CDH13: variants seen among roughly 807,000 people sequenced by gnomAD.
CDH13 encodes the protein cadherin-13.
Under a neutral mutation model 63.8 loss-of-function variants are expected in CDH13, and 24 were observed. That is an observed-to-expected ratio of 0.38 (90% confidence interval 0.27 to 0.53). The LOEUF (loss-of-function observed/expected upper bound fraction) is 0.53. CDH13 is among the 20% of genes least tolerant of loss of function. The probability of loss-of-function intolerance (pLI) is 0.85; values close to 1 mark genes in which losing one functional copy is unlikely to be tolerated. For missense variants in CDH13, 1,049 were observed against 903.1 expected, an observed-to-expected ratio of 1.16 and a Z score of -2.07; for synonymous variants, 503 against 355.3, an observed-to-expected ratio of 1.42 and a Z score of -4.67.
At chr16:83,664,414 G>T (rs1338366819) in intron 8 of CDH13, among the ~76,000 whole-genome samples, 1 of 151,924 alleles carries the variant, frequency 6.6e-6, no homozygotes, top group Non-Finnish European at 1.5e-5. Flanking sequence ...GAGACATCGG[G>T]CTTTCTTAAA....
rs552901786 is a variant in CDH13, at chr16:83,655,549, A to G, written c.1102-15241A>G. ...AGCTTGAGCAACTGTTTACAAACCC[A>G]TGGCAGAGCCCATGTGAATGAGGGA... On this transcript the variant is annotated intron_variant, in intron 8 of 13. Coordinates refer to ENST00000567109, the MANE Select transcript of CDH13 (RefSeq NM_001257.5). Among the ~76,000 whole-genome samples the G allele has an allele frequency of 3.3e-5, 5 of 152,300 alleles. No individual in the cohort carries two copies. The South Asian group carries it at 8.3e-4, about 25-fold the overall frequency.
intron 7 of CDH13, among the ~76,000 whole-genome samples, chr16:83,585,400 A>G (rs1432536828): frequency 6.6e-6 from 1 of 152,118 alleles, no homozygotes; most frequent in Non-Finnish European, 1.5e-5. Context: ...TACTCTGTTC[A>G]GTGGGTGTGG....
rs144086768 is a variant in CDH13 at position 83,634,669 on chromosome 16, G to T, written c.1101+32075G>T. Among the ~76,000 whole-genome samples the T allele has an allele frequency of 1.4e-3, 216 of 152,202 alleles. 2 individuals are homozygous for T. The highest frequency in any genetic ancestry group is 4.9e-3 in the African/African-American group (205 of 41,526). On this transcript the variant is annotated intron_variant, in intron 8 of 13. Coordinates refer to ENST00000567109, the MANE Select transcript of CDH13 (RefSeq NM_001257.5). ...ACCTGCCTCGGCCTCCCAAAGTGCT[G>T]GGATTACAGGTGTGAGCTACCACAC...
intron 7 of CDH13, among the ~76,000 whole-genome samples, chr16:83,587,555 G>A (rs181960496): frequency 7.2e-5 from 11 of 152,248 alleles, no homozygotes; most frequent in African/African-American, 9.6e-5. Context: ...CTTCTGCTGC[G>A]TGATTAGAAA....
chr16:82,989,034 T>C (rs1292233281), intron 2 of CDH13, among the ~76,000 whole-genome samples: 1 of 152,004 alleles, frequency 6.6e-6, no homozygotes, highest in Non-Finnish European at 1.5e-5. Flanking sequence ...GATGAAAGAG[T>C]GAACTACTAA....
In CDH13 at chr16:83,375,923, G is replaced by A. The variant is rs149529601; in HGVS notation, c.781+30917G>A. Among the ~76,000 whole-genome samples the A allele has an allele frequency of 7.1e-4, 108 of 152,286 alleles. 2 individuals carry two copies. In the East Asian group the frequency reaches 0.011, roughly 16 times the overall value. The stretch of plus-strand genomic sequence containing the variant: ...ATACAGGTGTTGGAGAGAGGCAGAC[G>A]TCATGCAGAGTGTATGCATTAGGAC... On this transcript the variant is annotated intron_variant, in intron 6 of 13. Coordinates refer to ENST00000567109, the MANE Select transcript of CDH13 (RefSeq NM_001257.5).
chr16:83,691,134 G>A (rs1285817786), intron 10 of CDH13, among the ~76,000 whole-genome samples: 1 of 151,626 alleles, frequency 6.6e-6, no homozygotes, highest in Non-Finnish European at 1.5e-5. Flanking sequence ...GAGAGAGAGA[G>A]AGGAATAAAG....
At chr16:82,854,740 C>T (rs982911013) in intron 1 of CDH13, among the ~76,000 whole-genome samples, 2 of 152,190 alleles carry the variant, frequency 1.3e-5, no homozygotes, top group Admixed American at 6.5e-5. Flanking sequence ...TTAGACTTCC[C>T]TATACCCCAA....
intron 6 of CDH13, among the ~76,000 whole-genome samples, chr16:83,452,947 C>G (rs958162550): frequency 4.6e-5 from 7 of 152,130 alleles, no homozygotes; most frequent in African/African-American, 1.7e-4. Flanking sequence ...AGCACAAGTC[C>G]CTGGGGGAGA....
At chr16:83,295,609 T>TAAAATCACAATGAGATA (rs2089572836) in intron 5 of CDH13, among the ~76,000 whole-genome samples, 1 of 152,012 alleles carries the variant, frequency 6.6e-6, no homozygotes, top group Non-Finnish European at 1.5e-5. Flanking sequence ...AAATGCAAAT[T>TAAAATCACAATGAGATA]AAAACCACAA....
At chr16:83,215,020 A>ATCAAG (rs2039454341) in intron 4 of CDH13, among the ~76,000 whole-genome samples, 1 of 151,542 alleles carries the variant, frequency 6.6e-6, no homozygotes, top group Admixed American at 6.6e-5. Context: ...AGTTGGATTA[A>ATCAAG]TCAAGTCAAG....
At chr16:83,147,443 T>A (rs1239305522) in intron 4 of CDH13, among the ~76,000 whole-genome samples, 1 of 152,176 alleles carries the variant, frequency 6.6e-6, no homozygotes, top group Non-Finnish European at 1.5e-5. Context: ...CCCTATGACG[T>A]AAATTCCAAG....
intron 7 of CDH13, among the ~76,000 whole-genome samples, chr16:83,490,180 A>T (rs1470854752): frequency 6.6e-6 from 1 of 152,138 alleles, no homozygotes; most frequent in Non-Finnish European, 1.5e-5. Context: ...ACAATTTTTC[A>T]TCTTTATTTT....
At chr16:83,171,598 T>C (rs2037920506) in intron 4 of CDH13, 1 of 1,508,366 alleles carries the variant, frequency 6.6e-7, no homozygotes, top group African/African-American at 1.4e-5. Context: ...GAAATATCTG[T>C]GTCTCTATCT....
intron 6 of CDH13, among the ~76,000 whole-genome samples, chr16:83,439,218 A>G (rs988753857): frequency 2.6e-5 from 4 of 152,360 alleles, no homozygotes; most frequent in East Asian, 1.9e-4. Context: ...GCACATAGCA[A>G]TTAACCCAAG....
chr16:83,163,209 C>T (rs753445957), intron 4 of CDH13, among the ~76,000 whole-genome samples: 7 of 152,098 alleles, frequency 4.6e-5, no homozygotes, highest in Non-Finnish European at 8.8e-5. Flanking sequence ...AACTGTAAGT[C>T]CAATAAACCT....
intron 4 of CDH13, among the ~76,000 whole-genome samples, chr16:83,187,857 G>C (rs942300772): frequency 6.6e-6 from 1 of 152,140 alleles, no homozygotes; most frequent in Non-Finnish European, 1.5e-5. Context: ...AGAGATGAGA[G>C]TAGGTTGCAG....
chr16:82,866,377 C>CTTTTTTTTTTTTTTTTTTTTT (rs538206338), intron 2 of CDH13, among the ~76,000 whole-genome samples: 13 of 58,298 alleles, frequency 2.2e-4, no homozygotes, highest in African/African-American at 5.2e-4. Flanking sequence ...TTTTCTTCTT[C>CTTTTTTTTTTTTTTTTTTTTT]TTTTTTTTTT....
At chr16:83,767,497 C>T (rs531880700) in intron 11 of CDH13, among the ~76,000 whole-genome samples, 1 of 152,266 alleles carries the variant, frequency 6.6e-6, no homozygotes, top group African/African-American at 2.4e-5. Context: ...AAACCTCTTT[C>T]CTTTACAAAT....
Sources: allele counts gnomAD v4.1 joint callset (sites outside exome capture counted in the v4.1 genomes callset), GRCh38; gene constraint gnomAD v4.1.1; transcripts MANE v1.5; gene names NCBI Gene and HGNC (gene_info 2026-07-23, HGNC 2026-07-21).